SGCA: variants seen among roughly 807,000 people sequenced by gnomAD.
SGCA encodes the protein alpha-sarcoglycan.
Under a neutral mutation model 38.1 loss-of-function variants are expected in SGCA, and 34 were observed. The ratio of observed to expected loss-of-function variants is 0.89; its 90% confidence interval spans 0.68 to 1.19. The LOEUF (loss-of-function observed/expected upper bound fraction) is 1.19, where lower values mean the gene tolerates loss of function less well. SGCA is among the 50% of genes most tolerant of loss of function. The probability of loss-of-function intolerance (pLI) is 0.00; values close to 1 mark genes in which losing one functional copy is unlikely to be tolerated. For synonymous variants in SGCA, 209 were observed against 214.6 expected (o/e 0.97, Z 0.23); for missense variants, 476 against 524.9 (o/e 0.91, Z 0.91).
chr17:50,168,356 T>C lies in SGCA; in HGVS notation c.386-18T>C. ...CTGGGGCTGGGTGCAGCCTGAGGTG[T>C]CCACCTGGCCTTCCCAGGCCCCCTG... is the stretch of plus-strand genomic sequence containing the variant. On this transcript the variant is annotated intron_variant, in intron 4 of 9. Coordinates refer to ENST00000262018, the MANE Select transcript of SGCA (RefSeq NM_000023.4). 1.3e-6 allele frequency: 2 copies of C among 1,556,032 alleles called. No individual in the cohort carries two copies. The highest frequency in any genetic ancestry group is 1.7e-6 in the Non-Finnish European group (2 of 1,150,546).
intron 1 of SGCA, among the ~76,000 whole-genome samples, chr17:50,166,781 CCT>C (rs1904870026): frequency 8.6e-6 from 1 of 115,694 alleles, no homozygotes; most frequent in African/African-American, 3.4e-5. Context: ...CCTCACACAC[CCT>C]CACACACCCT....
rs767691968 is a variant in SGCA, at chr17:50,168,538, C to T, written c.550C>T (p.Arg184Cys). 66 of 1,574,666 alleles carry T rather than the reference C, an allele frequency of 4.2e-5. No individual in the cohort carries two copies. Among genetic ancestry groups the T allele is most frequent in the South Asian group, 1.0e-4 (9 of 85,846 alleles). ...CACCTCTGCCTTGGACCGTGGGGGC[C>T]GTGTCCCCCTTCCCATTGAGGGCCG... ...NVTSALDRGG[R>C]VPLPIEGRKE... Residue 184 changes from arginine to cysteine, a missense_variant, in exon 5 of 10, where the codon CGT (arginine) becomes TGT (cysteine). Physicochemically the swap from Arg to Cys is radical, Grantham distance 180. Transcript: ENST00000262018.
chr17:50,168,408 G>A lies in SGCA; in HGVS notation c.420G>A (p.Val140=). ...PLLPYQAEFL[V]RSHDAEEVLP... is the part of the protein sequence containing the mutation. ...TGCCATACCAAGCCGAGTTCCTGGT[G>A]CGCAGCCACGATGCGGAGGAGGTGC... The change falls in exon 5 of 10, where the codon GTG becomes GTA. Residue 140 remains valine (V), a synonymous_variant. Coordinates refer to ENST00000262018, the MANE Select transcript of SGCA (RefSeq NM_000023.4). 3 of 1,589,776 alleles carry A rather than the reference G, an allele frequency of 1.9e-6. No homozygotes were observed. Among genetic ancestry groups the A allele is most frequent in the Non-Finnish European group, 2.6e-6 (3 of 1,168,172 alleles).
rs767086617 is a variant in SGCA, at chr17:50,170,595, G to A, written c.957-45G>A. 5.8e-6 allele frequency: 9 copies of A among 1,553,410 alleles called. No individual in the cohort carries two copies. The African/African-American group carries it at 8.2e-5, about 14-fold the overall frequency. On this transcript the variant is annotated intron_variant, in intron 7 of 9. Transcript: ENST00000262018. ...CATTGGAGCCCTGGGGCACCTTGGGGCGAAACCCAGAGCTGGGCTAACCCT... is the reference window on the plus strand; with the variant it reads ...CATTGGAGCCCTGGGGCACCTTGGGACGAAACCCAGAGCTGGGCTAACCCT...
At chr17:50,170,730 C>A in intron 8 of SGCA, 64 bp downstream of exon 8, 2 of 1,298,318 alleles carry the variant, frequency 1.5e-6, no homozygotes, top group South Asian at 1.3e-5. Flanking sequence ...ACCCCGCCAC[C>A]AAACTATGCC....
chr17:50,168,487 C>A lies in SGCA; in HGVS notation c.499C>A (p.Pro167Thr), dbSNP rs867727659. 15 of 1,580,076 alleles carry A rather than the reference C, an allele frequency of 9.5e-6. 1 individual carries two copies. The South Asian group carries it at 1.3e-4, about 13-fold the overall frequency. The change falls in exon 5 of 10, where the codon CCC (proline) becomes ACC (threonine). Residue 167 changes from proline to threonine, a missense_variant. Coordinates refer to ENST00000262018, the MANE Select transcript of SGCA (RefSeq NM_000023.4). ...CTCAGCCTTGGGGGGACTCTGGGAG[C>A]CCGGAGAGCTTCAGCTGCTCAACGT... Reference protein sequence around the residue: ...FLSALGGLWEPGELQLLNVTS... With the variant: ...FLSALGGLWETGELQLLNVTS...
Position 50,175,321 on chromosome 17 carries a change from A to G in SGCA, c.1048A>G (p.Ser350Gly). Residue 350 changes from serine (S) to glycine (G), a missense_variant, in exon 9 of 10, where the codon AGC becomes GGC. Transcript: ENST00000262018. ...NTEELRQMAASREVPRPLSTL... is the reference protein window; with the variant it reads ...NTEELRQMAAGREVPRPLSTL... ...AGAGGAGCTGCGGCAGATGGCGGCCAGCCGCGAGGTGCCCCGGCCACTCTC... is the reference window on the plus strand; with the variant it reads ...AGAGGAGCTGCGGCAGATGGCGGCCGGCCGCGAGGTGCCCCGGCCACTCTC... The G allele has an allele frequency of 6.2e-7, 1 of 1,609,600 alleles. No individual in the cohort carries two copies. The highest frequency in any genetic ancestry group is 8.5e-7 in the Non-Finnish European group (1 of 1,178,842).
At chr17:50,169,951 T>C (rs1373965208) in intron 6 of SGCA, 192 bp from the exon 7 acceptor site, 2 of 646,214 alleles carry the variant, frequency 3.1e-6, no homozygotes, top group Non-Finnish European at 5.6e-6. Context: ...ATAATCATCC[T>C]AGCTAAGCAC....
At chr17:50,169,442 CA>C in intron 6 of SGCA, 188 bp downstream of exon 6, 4 of 592,504 alleles carry the variant, frequency 6.8e-6, no homozygotes, top group Non-Finnish European at 9.0e-6. Context: ...CACACACACA[CA>C]CACCCCTGAA....
At chr17:50,168,685 C>A in intron 5 of SGCA, 113 bp downstream of exon 5, 1 of 925,068 alleles carries the variant, frequency 1.1e-6, no homozygotes, top group Non-Finnish European at 1.7e-6. Context: ...ACATCTCCAC[C>A]TCCCAGCTTC....
rs201131924 is a variant in SGCA, at chr17:50,169,187, C to G, written c.680C>G (p.Pro227Arg). ...CACGCCCGCTGTGCCCAGGGCCAGC[C>G]TCCACTTCTGTCTTGCTACGACACC... ...DSHARCAQGQPPLLSCYDTLA... is the reference protein window; with the variant it reads ...DSHARCAQGQRPLLSCYDTLA... The change falls in exon 6 of 10, where the codon CCT becomes CGT. Residue 227 changes from proline to arginine, a missense_variant. Physicochemically the swap from Pro to Arg is moderately radical, Grantham distance 103. Transcript: ENST00000262018. The G allele has an allele frequency of 2.2e-4, 354 of 1,614,034 alleles. No individual in the cohort carries two copies. Among genetic ancestry groups the G allele is most frequent in the Middle Eastern group, 8.3e-4 (5 of 6,060 alleles).
chr17:50,167,967 C>T lies in SGCA; in HGVS notation c.333C>T (p.Asp111=). The stretch of plus-strand genomic sequence containing the variant: ...CCCAGGTCACAGCCTACAATCGGGA[C>T]AGCTTTGATACCACTCGGCAGAGGC... ...QVIEVTAYNR[D]SFDTTRQRLV... The change falls in exon 4 of 10, where the codon GAC becomes GAT. Residue 111 remains aspartate, a synonymous_variant. Coordinates refer to ENST00000262018, the MANE Select transcript of SGCA (RefSeq NM_000023.4). This position sits in a 1 kb window ranked among gnomAD's most constrained non-coding sequence, Gnocchi z 4.5. 1 of 1,614,184 alleles carries T rather than the reference C, an allele frequency of 6.2e-7. No individual in the cohort carries two copies. Among genetic ancestry groups the T allele is most frequent in the South Asian group, 1.1e-5 (1 of 91,086 alleles).
chr17:50,172,247 C>T (rs1598273984), intron 8 of SGCA: 1 of 457,028 alleles, frequency 2.2e-6, no homozygotes, highest in Non-Finnish European at 4.4e-6. Flanking sequence ...GCTCTTGGTG[C>T]AGGGGTTGGT....
chr17:50,172,358 T>C (rs573930619), intron 8 of SGCA: 2 of 447,246 alleles, frequency 4.5e-6, no homozygotes, highest in East Asian at 7.1e-5. Flanking sequence ...AGATGCCAGA[T>C]GGTGGAGGCA....
chr17:50,172,335 AG>A, intron 8 of SGCA: 2 of 450,334 alleles, frequency 4.4e-6, no homozygotes, highest in Non-Finnish European at 9.0e-6. Flanking sequence ...TCCTCCGGGG[AG>A]GGGTGGACCG....
Position 50,167,601 on chromosome 17 carries a change from C to G in SGCA, c.177C>G (p.His59Gln). ...CACCAGCTGTCCCACCCGCTGTCCA[C>G]ATCACCTACCACGCCCACCTCCAGG... Reference protein sequence around the residue: ...PEHVAVPPAVHITYHAHLQGH... With the variant: ...PEHVAVPPAVQITYHAHLQGH... The change falls in exon 3 of 10, where the codon CAC becomes CAG. Residue 59 changes from histidine to glutamine, a missense_variant. Transcript: ENST00000262018. This position sits in a 1 kb window ranked among gnomAD's most constrained non-coding sequence, Gnocchi z 4.5. 1 of 1,613,688 alleles carries G rather than the reference C, an allele frequency of 6.2e-7. No individual in the cohort carries two copies. The highest frequency in any genetic ancestry group is 8.5e-7 in the Non-Finnish European group (1 of 1,180,016).
intron 8 of SGCA, 163 bp from the exon 9 acceptor site, chr17:50,175,094 G>T: frequency 1.4e-6 from 1 of 738,932 alleles, no homozygotes; most frequent in East Asian, 2.7e-5. Context: ...ACCACGCCCG[G>T]CCCCATAGAG....
intron 7 of SGCA, 61 bp downstream of exon 7, chr17:50,170,412 A>G: frequency 4.6e-6 from 7 of 1,515,636 alleles, no homozygotes; most frequent in Non-Finnish European, 5.5e-6. Context: ...TGGGACTCAC[A>G]GTGGCACTTG....
At chr17:50,171,708 C>G (rs1489661267) in intron 8 of SGCA, 1 of 456,706 alleles carries the variant, frequency 2.2e-6, no homozygotes. Flanking sequence ...CTGAGGCCCC[C>G]CTGCCGGTCA....
Sources: allele counts gnomAD v4.1 joint callset (sites outside exome capture counted in the v4.1 genomes callset), GRCh38; gene constraint gnomAD v4.1.1; non-coding constraint Gnocchi (gnomAD v3.1); transcripts MANE v1.5; gene names NCBI Gene and HGNC (gene_info 2026-07-23, HGNC 2026-07-21).